The following MPP2 variants were observed in gnomAD, a reference collection of about 807,000 sequenced individuals.
MPP2 encodes the protein MAGUK p55 scaffold protein 2.
A neutral mutation model predicts 58.5 loss-of-function variants in MPP2; 42 were observed. The observed-to-expected ratio is 0.72, with a 90% CI of 0.56 to 0.93. MPP2 has a LOEUF of 0.93. Ranked by LOEUF, MPP2 falls within the 40% of genes least tolerant of loss-of-function variation. The pLI, the probability that MPP2 is intolerant of heterozygous loss-of-function variation, is 0.00. For missense variants in MPP2, 632 were observed against 760.4 expected, an observed-to-expected ratio of 0.83 and a Z score of 1.99; for synonymous variants, 300 against 307.8, an observed-to-expected ratio of 0.97 and a Z score of 0.26.
chr17:43,906,796 G>A (rs1221164097), intron 1 of MPP2, among the ~76,000 whole-genome samples: 1 of 152,080 alleles, frequency 6.6e-6, no homozygotes, highest in Non-Finnish European at 1.5e-5. Flanking sequence ...GCGCCCGCCG[G>A]AGACCAGGGA....
Position 43,904,427 on chromosome 17 carries a change from T to A in MPP2, c.31+3A>T. 1 of 1,613,842 alleles carries A rather than the reference T, an allele frequency of 6.2e-7. No individual in the cohort carries two copies. Among genetic ancestry groups the A allele is most frequent in the Non-Finnish European group, 8.5e-7 (1 of 1,179,790 alleles). On this transcript the variant is annotated splice_donor_region_variant and intron_variant, in intron 2 of 12. Transcript: ENST00000269095. ...TAAGCTAACATCCTCACCCCCTTCT[T>A]ACCAGTTTCAGAGTTGGTGGCGGCA... is the stretch of plus-strand genomic sequence containing the variant.
At chr17:43,901,627 G>A in intron 2 of MPP2, 2 of 977,490 alleles carry the variant, frequency 2.0e-6, no homozygotes, top group East Asian at 1.1e-4. Context: ...AGGGATGGAG[G>A]AGAGATTTAA....
At chr17:43,887,474 T>C (rs1042816587) in intron 3 of MPP2, among the ~76,000 whole-genome samples, 2 of 151,806 alleles carry the variant, frequency 1.3e-5, no homozygotes, top group African/African-American at 4.9e-5. Context: ...GTTTTTTTTT[T>C]AAGGGAGGGC....
At chr17:43,905,970 G>C in intron 1 of MPP2, 1 of 441,490 alleles carries the variant, frequency 2.3e-6, no homozygotes. Flanking sequence ...ACCCAGGCTG[G>C]AAGAAATGCC....
intron 3 of MPP2, among the ~76,000 whole-genome samples, chr17:43,889,335 C>T (rs1270803691): frequency 3.9e-5 from 6 of 151,984 alleles, no homozygotes; most frequent in Non-Finnish European, 8.8e-5. Flanking sequence ...CCCCACTCAC[C>T]CTTCCCACTT....
At position 43,883,320 on chromosome 17, in the gene MPP2, G is replaced by C. The variant is rs760867672; in HGVS notation, c.186C>G (p.Ala62=). 1.1e-5 allele frequency: 17 copies of C among 1,612,612 alleles called. No homozygotes were observed. The African/African-American group carries it at 2.3e-4, about 22-fold the overall frequency. ...HERLEETKLE[A]VRDNNLELVQ... ...CCAGCTCCAGGTTGTTGTCTCTCAC[G>C]GCCTCCAGCTTCGTCTCCTCCAGCC... Residue 62 remains alanine (A), a synonymous_variant, in exon 4 of 13, where the codon GCC becomes GCG. Transcript: ENST00000269095.
At chr17:43,889,805 GT>G (rs869131021) in intron 3 of MPP2, among the ~76,000 whole-genome samples, 1 of 37,910 alleles carries the variant, frequency 2.6e-5, no homozygotes, top group African/African-American at 6.8e-5. Context: ...GTCCAAATGC[GT>G]TTTTTTTTTT....
chr17:43,888,820 C>T (rs1354962556), intron 3 of MPP2, among the ~76,000 whole-genome samples: 3 of 152,140 alleles, frequency 2.0e-5, no homozygotes, highest in Non-Finnish European at 4.4e-5. Flanking sequence ...ACGTTTTATA[C>T]CCACAGATAT....
At position 43,881,600 on chromosome 17, in the gene MPP2, G is replaced by C. The variant is rs1459972450; in HGVS notation, c.682-11C>G. On this transcript the variant is annotated splice_polypyrimidine_tract_variant and intron_variant, in intron 6 of 12. Transcript: ENST00000269095. ...ACATTTCACAAATACCTGGGCCCAG[G>C]AATCAGCAAAGGGTCGGGGGAAGGG... 4.3e-6 allele frequency: 7 copies of C among 1,612,332 alleles called. No individual in the cohort carries two copies. The African/African-American group carries it at 9.4e-5, about 22-fold the overall frequency.
intron 6 of MPP2, among the ~76,000 whole-genome samples, 188 bp downstream of exon 6, chr17:43,882,096 A>G (rs2047154652): frequency 6.6e-6 from 1 of 152,214 alleles, no homozygotes; most frequent in Non-Finnish European, 1.5e-5. Flanking sequence ...CCAATGTGGG[A>G]GCATGTGCAG....
chr17:43,881,814 A>G (rs1035840526), intron 6 of MPP2, among the ~76,000 whole-genome samples: 2 of 152,078 alleles, frequency 1.3e-5, no homozygotes, highest in African/African-American at 4.8e-5. Context: ...GGGACCACCA[A>G]GTAGGGCACA....
At chr17:43,889,805 GTTTTTTT>G (rs869131021) in intron 3 of MPP2, among the ~76,000 whole-genome samples, 21 of 37,920 alleles carry the variant, frequency 5.5e-4, no homozygotes, top group African/African-American at 1.2e-3. Context: ...GTCCAAATGC[GTTTTTTT>G]TTTTGTTTTT....
At chr17:43,894,616 G>GAAA (rs36073194) in intron 3 of MPP2, among the ~76,000 whole-genome samples, 10 of 66,054 alleles carry the variant, frequency 1.5e-4, no homozygotes, top group African/African-American at 2.3e-4. Context: ...GACTCCAGAG[G>GAAA]AAAAAAAAAA....
chr17:43,890,611 C>CCAGAGAGTAGTGTGT (rs1178237788), intron 3 of MPP2, among the ~76,000 whole-genome samples: 2 of 152,126 alleles, frequency 1.3e-5, no homozygotes, highest in African/African-American at 4.8e-5. Context: ...AAAAGATGTC[C>CCAGAGAGTAGTGTGT]CAGAGAGTAG....
chr17:43,878,315 TA>T (rs1323719179), intron 12 of MPP2, among the ~76,000 whole-genome samples: 1 of 152,214 alleles, frequency 6.6e-6, no homozygotes, highest in African/African-American at 2.4e-5. Context: ...AAAGGTCACA[TA>T]GCCAGTCAGT....
At chr17:43,896,454 T>A (rs2047851292) in intron 3 of MPP2, among the ~76,000 whole-genome samples, 1 of 152,002 alleles carries the variant, frequency 6.6e-6, no homozygotes, top group African/African-American at 2.4e-5. Flanking sequence ...CTCTTCCATC[T>A]ATATCCCTAC....
At chr17:43,886,441 C>A (rs2047374390) in intron 3 of MPP2, among the ~76,000 whole-genome samples, 1 of 152,072 alleles carries the variant, frequency 6.6e-6, no homozygotes, top group African/African-American at 2.4e-5. Context: ...GCATTTGACT[C>A]CATTGCATGA....
At chr17:43,906,248 A>T (rs231479) in intron 1 of MPP2, 1 of 577,454 alleles carries the variant, frequency 1.7e-6, no homozygotes, top group Non-Finnish European at 2.2e-6. Context: ...CTCCCGGGGA[A>T]TCGGTTCCCA....
chr17:43,879,677 G>C lies in MPP2; in HGVS notation c.1353+105C>G. 7.6e-7 allele frequency: 1 copy of C among 1,314,274 alleles called. No homozygotes were observed. The highest frequency in any genetic ancestry group is 1.1e-6 in the Non-Finnish European group (1 of 947,726). The allele number at this position is 1,314,274 out of a possible 1,614,324, so 81.4% of individuals were successfully genotyped here. On this transcript the variant is annotated intron_variant, in intron 11 of 12. Transcript: ENST00000269095. This position sits in a 1 kb window ranked among gnomAD's most constrained non-coding sequence, Gnocchi z 4.1. ...TCTAGCAGTAGTTGAGGGCAAAGGG[G>C]GTACATGGGCGTGTTCAGGTGACAG...
Sources: gnomAD v4.1 joint callset for allele counts (sites outside exome capture counted in the v4.1 genomes callset) on GRCh38, gnomAD v4.1.1 for gene constraint, Gnocchi (gnomAD v3.1) non-coding constraint, MANE v1.5 for transcripts, NCBI Gene and HGNC (gene_info 2026-07-23, HGNC 2026-07-21) for gene names.